The following GPD2 variants were observed in gnomAD, a reference collection of about 807,000 sequenced individuals.
GPD2 encodes the protein glycerol-3-phosphate dehydrogenase 2.
GPD2 carries 54 observed loss-of-function variants against 82.4 expected under a neutral mutation model. That is an observed-to-expected ratio of 0.66 (90% CI 0.53 to 0.82). The LOEUF (loss-of-function observed/expected upper bound fraction) is 0.82. Ranked by LOEUF, GPD2 falls within the 40% of genes least tolerant of loss-of-function variation. The pLI is 0.00. For missense variants in GPD2, 748 were observed against 896.2 expected (o/e 0.83, Z 2.11); for synonymous variants, 288 against 306.1 (o/e 0.94, Z 0.62).
At chr2:156,571,008 G>A in intron 12 of GPD2, 126 bp from the exon 13 acceptor site, 1 of 739,136 alleles carries the variant, frequency 1.4e-6, no homozygotes, top group Non-Finnish European at 2.4e-6. Context: ...CCTGCTGGAG[G>A]ACCAGAGAGT....
At chr2:156,471,033 G>A (rs963854606) in intron 1 of GPD2, among the ~76,000 whole-genome samples, 2 of 152,108 alleles carry the variant, frequency 1.3e-5, no homozygotes, top group Admixed American at 6.5e-5. Flanking sequence ...TTTCTTAGTT[G>A]CAAGCTGAGC....
the GPD2 span, among the ~76,000 whole-genome samples, chr2:156,403,134 A>AAAAAAAAAC: frequency 6.6e-6 from 1 of 150,538 alleles, no homozygotes; most frequent in African/African-American, 2.4e-5. Flanking sequence ...AAAAAAAAAA[A>AAAAAAAAAC]TCTCAGAACA....
At chr2:156,526,316 G>A (rs1376027691) in intron 6 of GPD2, among the ~76,000 whole-genome samples, 1 of 152,084 alleles carries the variant, frequency 6.6e-6, no homozygotes, top group Non-Finnish European at 1.5e-5. Context: ...TCTGATCTGT[G>A]TAGAGAGCTT....
In GPD2 at chr2:156,459,686, C is replaced by CAAAAAAAAAAAAAAAAAAAAA. The variant is rs564494059; in HGVS notation, c.-8-16409_-8-16389dup. ...CTGGCGACAGAGCAAGACTCCGTCT[C>CAAAAAAAAAAAAAAAAAAAAA]AAAAAAAAAAAAAAAAAAAAAAAGA... On this transcript the variant is annotated intron_variant, in intron 1 of 16. Transcript: ENST00000438166. Among the ~76,000 whole-genome samples the CAAAAAAAAAAAAAAAAAAAAA allele has an allele frequency of 1.5e-3, 58 of 38,752 alleles. 2 individuals carry two copies. The highest frequency in any genetic ancestry group is 2.9e-3 in the East Asian group (2 of 684). The allele number at this position is 38,752 out of a possible 152,430, so 25.4% of individuals were successfully genotyped here. A position where few individuals can be genotyped will look rare whatever the true frequency, so the allele number is the denominator to read the frequency against.
intron 1 of GPD2, among the ~76,000 whole-genome samples, chr2:156,438,969 T>C (rs1682046934): frequency 6.6e-6 from 1 of 152,230 alleles, no homozygotes; most frequent in Non-Finnish European, 1.5e-5. Context: ...GCTCAAGTAG[T>C]TGGAGACAGC....
In GPD2 at chr2:156,522,683, C is replaced by CT. The variant is rs35120661; in HGVS notation, c.661+9202dup. Among the ~76,000 whole-genome samples the CT allele has an allele frequency of 2.0e-3, 270 of 134,526 alleles. 5 individuals carry two copies. The highest frequency in any genetic ancestry group is 6.5e-3 in the South Asian group (28 of 4,314). 88.3% of individuals were successfully genotyped at this position (134,526 alleles called of 152,430 possible). On this transcript the variant is annotated intron_variant, in intron 6 of 16. Transcript: ENST00000438166. ...GTGTAGCAGAGTGTGGTTTTTTAAG[C>CT]TTTTTTTTTTTTTTTGCAGAAATTA...
intron 8 of GPD2, among the ~76,000 whole-genome samples, chr2:156,552,589 G>A (rs891227157): frequency 6.6e-6 from 1 of 152,038 alleles, no homozygotes; most frequent in Admixed American, 6.6e-5. Context: ...TGTGTTGTGT[G>A]CCTTATGTTT....
At chr2:156,461,079 G>C (rs886265225) in intron 1 of GPD2, among the ~76,000 whole-genome samples, 2 of 151,910 alleles carry the variant, frequency 1.3e-5, no homozygotes, top group Non-Finnish European at 2.9e-5. Context: ...TCACTAGCAG[G>C]TCCCTGGCTG....
intron 7 of GPD2, 119 bp downstream of exon 7, chr2:156,549,891 A>G (rs1573990244): frequency 1.2e-6 from 1 of 833,372 alleles, no homozygotes; most frequent in East Asian, 2.7e-5. Flanking sequence ...GAGTCATATT[A>G]ATTATATTCG....
intron 9 of GPD2, among the ~76,000 whole-genome samples, chr2:156,565,049 A>G (rs1384960040): frequency 6.6e-6 from 1 of 152,110 alleles, no homozygotes; most frequent in Non-Finnish European, 1.5e-5. Context: ...AATTTCATAG[A>G]TGTGCTTTTC....
intron 13 of GPD2, 150 bp from the exon 14 acceptor site, chr2:156,578,739 A>T (rs1687913698): frequency 3.2e-6 from 2 of 626,100 alleles, no homozygotes; most frequent in Non-Finnish European, 5.7e-6. Context: ...AATATAAATT[A>T]TACTTCAATG....
upstream of GPD2, chr2:156,435,407 CAAGT>C (rs1688395345): frequency 6.6e-6 from 1 of 151,610 alleles, no homozygotes; most frequent in South Asian, 2.1e-4. Context: ...GGAGTTCCAA[CAAGT>C]AAGCTGGGCA....
chr2:156,430,630 G>A (rs1688306313), upstream of GPD2, among the ~76,000 whole-genome samples: 1 of 152,174 alleles, frequency 6.6e-6, no homozygotes, highest in African/African-American at 2.4e-5. Flanking sequence ...CTGAGCTTTG[G>A]TTTTGTTTCT....
At chr2:156,408,980 T>C in the GPD2 span, among the ~76,000 whole-genome samples, 3 of 152,154 alleles carry the variant, frequency 2.0e-5, no homozygotes, top group Admixed American at 2.0e-4. Flanking sequence ...ATAGGACTGG[T>C]GTCCTTATGA....
rs1274317324 is a variant in GPD2, at chr2:156,495,863, C to T, written c.103-181C>T. Among the ~76,000 whole-genome samples the T allele has an allele frequency of 2.0e-5, 3 of 152,062 alleles. No homozygotes were observed. The East Asian group carries it at 5.8e-4, about 29-fold the overall frequency. On this transcript the variant is annotated intron_variant, in intron 2 of 16. Transcript: ENST00000438166. ...GTTGTGATTCATGAAAAGAAATACA[C>T]CGAGAAATGTAAGGATTGTTTTCCC... is the stretch of plus-strand genomic sequence containing the variant.
At chr2:156,541,286 G>C (rs1319127922) in intron 6 of GPD2, among the ~76,000 whole-genome samples, 1 of 152,216 alleles carries the variant, frequency 6.6e-6, no homozygotes. Flanking sequence ...GGTATGTGTA[G>C]AATGCTGTTT....
At chr2:156,412,591 T>C in the GPD2 span, among the ~76,000 whole-genome samples, 4 of 152,202 alleles carry the variant, frequency 2.6e-5, no homozygotes, top group Non-Finnish European at 4.4e-5. Flanking sequence ...ATGTATCTTA[T>C]AGGGTTGCTG....
At chr2:156,493,958 G>GTGTGTGTA (rs60643688) in intron 2 of GPD2, among the ~76,000 whole-genome samples, 4,608 of 143,396 alleles carry the variant, frequency 0.032, 120 homozygotes, top group South Asian at 0.096. Flanking sequence ...GTGTGTGTGT[G>GTGTGTGTA]TATAATTTTT....
At chr2:156,530,526 C>T (rs1685810125) in intron 6 of GPD2, among the ~76,000 whole-genome samples, 1 of 150,004 alleles carries the variant, frequency 6.7e-6, no homozygotes, top group African/African-American at 2.4e-5. Flanking sequence ...AAAGGGAATG[C>T]TTCCAGTTTT....
Sources: gnomAD v4.1 joint callset for allele counts (sites outside exome capture counted in the v4.1 genomes callset) on GRCh38, gnomAD v4.1.1 for gene constraint, MANE v1.5 for transcripts, NCBI Gene and HGNC (gene_info 2026-07-23, HGNC 2026-07-21) for gene names.